The following ZNRF2 variants were observed in gnomAD, a reference collection of about 807,000 sequenced individuals.
The protein encoded by ZNRF2 is E3 ubiquitin-protein ligase ZNRF2.
In ZNRF2, 16 loss-of-function variants were observed where a neutral mutation model predicts 20.4. The observed-to-expected ratio is 0.79, with a 90% CI of 0.53 to 1.19. The LOEUF (loss-of-function observed/expected upper bound fraction) is 1.19. ZNRF2 is among the 50% of genes most tolerant of loss of function. ZNRF2 has a pLI of 0.00. For missense variants in ZNRF2, 363 were observed against 332.4 expected (o/e 1.09, Z -0.72); for synonymous variants, 178 against 144.9 (o/e 1.23, Z -1.64).
At chr7:30,349,534 A>T (rs1465299281) in intron 2 of ZNRF2, among the ~76,000 whole-genome samples, 1 of 152,014 alleles carries the variant, frequency 6.6e-6, no homozygotes, top group African/African-American at 2.4e-5. Flanking sequence ...TTATCCTGTT[A>T]TATTCCATAA....
At chr7:30,317,317 A>G (rs1300552979) in intron 1 of ZNRF2, among the ~76,000 whole-genome samples, 2 of 152,252 alleles carry the variant, frequency 1.3e-5, no homozygotes, top group African/African-American at 2.4e-5. Flanking sequence ...GATAAGATCT[A>G]CACAGAAGTA....
intron 1 of ZNRF2, among the ~76,000 whole-genome samples, chr7:30,295,159 T>C (rs62447403): frequency 0.19 from 28,852 of 148,016 alleles, 2,969 homozygotes; most frequent in Admixed American, 0.26. Flanking sequence ...GCTGGGGCCT[T>C]GAGACTCTCT....
chr7:30,317,079 G>T (rs961607076), intron 1 of ZNRF2, among the ~76,000 whole-genome samples: 3 of 152,100 alleles, frequency 2.0e-5, no homozygotes, highest in Non-Finnish European at 4.4e-5. Context: ...CCTGCAAGCA[G>T]TGCTTATAAT....
intron 2 of ZNRF2, among the ~76,000 whole-genome samples, chr7:30,353,997 C>T (rs1252382241): frequency 1.3e-5 from 2 of 151,852 alleles, no homozygotes; most frequent in African/African-American, 4.8e-5. Context: ...TTTTTGTTCT[C>T]ACTGCTATCA....
chr7:30,295,050 A>AGAGAGTGTGTGTGTGT (rs1412764480), intron 1 of ZNRF2, among the ~76,000 whole-genome samples: 2 of 38,282 alleles, frequency 5.2e-5, no homozygotes, highest in African/African-American at 1.3e-4. Flanking sequence ...AGAGAGAGAG[A>AGAGAGTGTGTGTGTGT]GTGTGTGTGT....
In ZNRF2 at chr7:30,321,708, G is replaced by A. The variant is rs28496803; in HGVS notation, c.470-1934G>A. Among the ~76,000 whole-genome samples, 534 of 152,148 alleles carry A rather than the reference G, an allele frequency of 3.5e-3. 3 individuals are homozygous for A. Among genetic ancestry groups the A allele is most frequent in the African/African-American group, 0.012 (505 of 41,496 alleles). On this transcript the variant is annotated intron_variant, in intron 1 of 4. Coordinates refer to ENST00000323037, the MANE Select transcript of ZNRF2 (RefSeq NM_147128.4). ...TTCAAATCAGTTGCCTCTTGCCCTC[G>A]TTTATGCTAAGTTTAACTTCAGGGA...
intron 1 of ZNRF2, among the ~76,000 whole-genome samples, chr7:30,320,498 A>ATGGTGTGGAGG (rs1197835463): frequency 1.3e-5 from 2 of 152,120 alleles, no homozygotes; most frequent in Non-Finnish European, 2.9e-5. Flanking sequence ...TGACTTTATA[A>ATGGTGTGGAGG]TGGTGTGGAG....
At chr7:30,291,891 G>T (rs1230826732) in intron 1 of ZNRF2, among the ~76,000 whole-genome samples, 1 of 152,138 alleles carries the variant, frequency 6.6e-6, no homozygotes, top group Non-Finnish European at 1.5e-5. Flanking sequence ...AGAGGAAGAG[G>T]CCAGCAGTTA....
chr7:30,351,524 T>C (rs1443495387), intron 2 of ZNRF2, among the ~76,000 whole-genome samples: 1 of 152,052 alleles, frequency 6.6e-6, no homozygotes, highest in Admixed American at 6.6e-5. Context: ...TCTAAATATG[T>C]AGCTTGAGTA....
chr7:30,285,164 C>A lies in ZNRF2; in HGVS notation c.-194C>A. The A allele has an allele frequency of 2.4e-6, 1 of 423,748 alleles. No homozygotes were observed. The highest frequency in any genetic ancestry group is 1.7e-5 in the South Asian group (1 of 57,952). 26.2% of individuals were successfully genotyped at this position (423,748 alleles called of 1,614,324 possible). ...TCCCGCGCCCGCGTCAGGCCGTCGG[C>A]CTCGCCCGCCGCCCCAAGAAGAGCG... is the stretch of plus-strand genomic sequence containing the variant. On this transcript the variant is annotated 5_prime_UTR_variant, in exon 1 of 5. Coordinates refer to ENST00000323037, the MANE Select transcript of ZNRF2 (RefSeq NM_147128.4).
chr7:30,343,640 A>T (rs1351857220), intron 2 of ZNRF2, among the ~76,000 whole-genome samples: 2 of 152,064 alleles, frequency 1.3e-5, no homozygotes, highest in Non-Finnish European at 2.9e-5. Context: ...TGTCAATAGT[A>T]AGATTGTAAT....
intron 2 of ZNRF2, among the ~76,000 whole-genome samples, chr7:30,335,982 G>C (rs1012841465): frequency 1.3e-5 from 2 of 152,120 alleles, no homozygotes; most frequent in Non-Finnish European, 2.9e-5. Flanking sequence ...GCAGTGGAGT[G>C]ACTCAATTCA....
intron 2 of ZNRF2, among the ~76,000 whole-genome samples, chr7:30,348,146 A>G (rs2127954236): frequency 6.6e-6 from 1 of 151,344 alleles, no homozygotes; most frequent in Admixed American, 6.6e-5. Context: ...CACTTCCTGT[A>G]TAAAGAAGTC....
intron 2 of ZNRF2, among the ~76,000 whole-genome samples, chr7:30,347,765 C>T (rs1432675932): frequency 6.6e-6 from 1 of 152,074 alleles, no homozygotes; most frequent in Non-Finnish European, 1.5e-5. Flanking sequence ...TCTTGATTTT[C>T]ACATGGTTGG....
chr7:30,365,924 ATCTGTT>A (rs1207300806), intron 4 of ZNRF2, 105 bp from the exon 5 acceptor site: 1 of 152,166 alleles, frequency 6.6e-6, no homozygotes, highest in Admixed American at 6.6e-5. Flanking sequence ...CTGTTTCTTA[ATCTGTT>A]CTTCTCCAGA....
chr7:30,331,521 AC>A (rs1282694183), intron 2 of ZNRF2, among the ~76,000 whole-genome samples: 4 of 152,190 alleles, frequency 2.6e-5, no homozygotes, highest in African/African-American at 9.6e-5. Flanking sequence ...ACAGAGTGTA[AC>A]AGAGAGAGAA....
At chr7:30,289,173 G>A (rs947612782) in intron 1 of ZNRF2, among the ~76,000 whole-genome samples, 1 of 152,222 alleles carries the variant, frequency 6.6e-6, no homozygotes, top group African/African-American at 2.4e-5. Flanking sequence ...TTTTTTGGGT[G>A]TGGCTTGCTC....
chr7:30,338,045 C>T (rs77879839), intron 2 of ZNRF2, among the ~76,000 whole-genome samples: 1,573 of 152,220 alleles, frequency 0.01, 31 homozygotes, highest in African/African-American at 0.036. Flanking sequence ...TTATTCCAGA[C>T]GACCTTCATC....
At chr7:30,311,206 C>A (rs1275499120) in intron 1 of ZNRF2, among the ~76,000 whole-genome samples, 1 of 152,108 alleles carries the variant, frequency 6.6e-6, no homozygotes, top group Non-Finnish European at 1.5e-5. Flanking sequence ...CCCTTGGAGT[C>A]AATAGGGGTC....
Sources: allele counts gnomAD v4.1 joint callset (sites outside exome capture counted in the v4.1 genomes callset), GRCh38; gene constraint gnomAD v4.1.1; transcripts MANE v1.5; gene names NCBI Gene and HGNC (gene_info 2026-07-23, HGNC 2026-07-21).